The following COL25A1 variants were observed in gnomAD, a reference collection of about 807,000 sequenced individuals.
COL25A1 encodes collagen alpha-1(XXV) chain.
In COL25A1, 103 loss-of-function variants were observed where a neutral mutation model predicts 128.4. The observed-to-expected ratio is 0.80, with a 90% CI of 0.68 to 0.94. The LOEUF is 0.94. Among genes scored for constraint, COL25A1 ranks in the 40% least tolerant of loss-of-function variants. COL25A1 has a pLI of 0.00. For missense variants in COL25A1, 745 were observed against 840.0 expected (o/e 0.89, Z 1.40); for synonymous variants, 279 against 277.2 (o/e 1.01, Z -0.06).
In COL25A1 at chr4:109,144,268, G is replaced by A. The variant is rs549119189; in HGVS notation, c.368-94089C>T. Among the ~76,000 whole-genome samples the A allele has an allele frequency of 2.6e-5, 4 of 152,296 alleles. No homozygotes were observed. In the South Asian group the frequency reaches 8.3e-4, roughly 32 times the overall value. On this transcript the variant is annotated intron_variant, in intron 3 of 37. Coordinates refer to ENST00000399132, the MANE Select transcript of COL25A1 (RefSeq NM_198721.4). ...TTGCTGCCTGTTCCTTCTTCTGGAA[G>A]CTTCGTCCCAGAGGGGCACCTGCTA...
At chr4:109,223,616 C>A (rs1327312358) in intron 3 of COL25A1, among the ~76,000 whole-genome samples, 7 of 151,534 alleles carry the variant, frequency 4.6e-5, no homozygotes, top group Admixed American at 3.3e-4. Flanking sequence ...GGGAAATGAC[C>A]TTCATTTGGA....
chr4:108,905,555 TTAC>T (rs1743384484), intron 13 of COL25A1, among the ~76,000 whole-genome samples: 2 of 150,384 alleles, frequency 1.3e-5, no homozygotes, highest in East Asian at 1.9e-4. Context: ...AATAATAATA[TTAC>T]TTGTTTCTTT....
chr4:109,302,255 C>T lies in COL25A1; in HGVS notation c.-143G>A, dbSNP rs1264629806. 5.8e-6 allele frequency: 3 copies of T among 520,544 alleles called. No homozygotes were observed. The African/African-American group carries it at 5.8e-5, about 10-fold the overall frequency. The allele number at this position is 520,544 out of a possible 1,614,324, so 32.2% of individuals were successfully genotyped here. ...CCAGCTGGAAGTGAAAAGCACCCTC[C>T]GTCCGGGGACTGGGTGGCGGTGGGG... is the stretch of plus-strand genomic sequence containing the variant. On this transcript the variant is annotated 5_prime_UTR_variant, in exon 1 of 38. Transcript: ENST00000399132.
At chr4:109,024,743 A>G (rs983682119) in intron 5 of COL25A1, among the ~76,000 whole-genome samples, 2 of 150,960 alleles carry the variant, frequency 1.3e-5, no homozygotes, top group Non-Finnish European at 2.9e-5. Flanking sequence ...TCATTTACTC[A>G]AAGATCTAGG....
chr4:108,920,634 A>G (rs370267597), intron 11 of COL25A1, 30 bp from the exon 12 acceptor site: 11 of 1,581,112 alleles, frequency 7.0e-6, no homozygotes, highest in Non-Finnish European at 9.5e-6. Context: ...CAATTAACAT[A>G]CTATTGTAGC....
At chr4:109,241,141 G>C (rs1338526922) in intron 3 of COL25A1, among the ~76,000 whole-genome samples, 1 of 151,984 alleles carries the variant, frequency 6.6e-6, no homozygotes, top group Non-Finnish European at 1.5e-5. Context: ...GCCTTTTCTG[G>C]GATGTAAGAG....
At position 109,300,620 on chromosome 4, in the gene COL25A1, G is replaced by A. The variant is rs766857230; in HGVS notation, c.330C>T (p.Ile110=). 2 of 1,611,874 alleles carry A rather than the reference G, an allele frequency of 1.2e-6. No homozygotes were observed. The highest frequency in any genetic ancestry group is 8.5e-7 in the Non-Finnish European group (1 of 1,178,080). The change falls in exon 3 of 38, where the codon ATC becomes ATT. Residue 110 remains isoleucine, a synonymous_variant. Transcript: ENST00000399132. ...KSYEHMAKIR[I]AREAPSECNC... ...TACATTCTGAAGGTGCTTCTCTTGC[G>A]ATTCTTATTTTAGCCATATGTTCAT...
At chr4:108,843,625 T>C (rs1734721906) in intron 30 of COL25A1, among the ~76,000 whole-genome samples, 1 of 152,194 alleles carries the variant, frequency 6.6e-6, no homozygotes, top group Admixed American at 6.5e-5. Flanking sequence ...CAGTTAACAC[T>C]GGCCCTGGCT....
At chr4:109,026,100 G>GCA (rs56718544) in intron 5 of COL25A1, among the ~76,000 whole-genome samples, 17,718 of 136,908 alleles carry the variant, frequency 0.13, 1,453 homozygotes, top group African/African-American at 0.25. Context: ...AAAACACTTT[G>GCA]CACACACACA....
chr4:108,890,745 G>T (rs1389554627), intron 16 of COL25A1, among the ~76,000 whole-genome samples: 1 of 152,098 alleles, frequency 6.6e-6, no homozygotes, highest in Non-Finnish European at 1.5e-5. Context: ...AGGAGCTCCG[G>T]GGGCCCATTT....
At chr4:109,129,503 T>C (rs1328403054) in intron 3 of COL25A1, among the ~76,000 whole-genome samples, 1 of 152,180 alleles carries the variant, frequency 6.6e-6, no homozygotes, top group Non-Finnish European at 1.5e-5. Flanking sequence ...ATCTAACATA[T>C]ATTATAAAGT....
chr4:109,052,763 T>A (rs1216718919), intron 3 of COL25A1, among the ~76,000 whole-genome samples: 1 of 152,118 alleles, frequency 6.6e-6, no homozygotes, highest in Non-Finnish European at 1.5e-5. Flanking sequence ...ATGGATGAGA[T>A]GAATTTGGCA....
chr4:108,984,215 T>C (rs1435361111), intron 6 of COL25A1, among the ~76,000 whole-genome samples: 1 of 152,204 alleles, frequency 6.6e-6, no homozygotes, highest in Non-Finnish European at 1.5e-5. Flanking sequence ...CTGATTGGTG[T>C]GTTTACAAAC....
At chr4:108,961,768 T>C (rs185424043) in intron 8 of COL25A1, among the ~76,000 whole-genome samples, 27 of 152,292 alleles carry the variant, frequency 1.8e-4, no homozygotes, top group African/African-American at 5.5e-4. Flanking sequence ...TTCCTTTCAA[T>C]GATGACAAGG....
At chr4:109,196,372 C>T (rs565957542) in intron 3 of COL25A1, among the ~76,000 whole-genome samples, 1 of 151,968 alleles carries the variant, frequency 6.6e-6, no homozygotes, top group South Asian at 2.1e-4. Flanking sequence ...ATAAAAATAT[C>T]GTATGCATTA....
In COL25A1 at chr4:108,892,988, G is replaced by A. The variant is rs201232820; in HGVS notation, c.907-3255C>T. On this transcript the variant is annotated intron_variant, in intron 16 of 37. Transcript: ENST00000399132. ...GATGTGTGCTAATTAGGGAAGGCCCGGCACCAATTAGGGTGGGATAGGCCT... is the reference window on the plus strand; with the variant it reads ...GATGTGTGCTAATTAGGGAAGGCCCAGCACCAATTAGGGTGGGATAGGCCT... Among the ~76,000 whole-genome samples the A allele has an allele frequency of 5.9e-5, 9 of 152,282 alleles. No homozygotes were observed. In the East Asian group the frequency reaches 1.4e-3, roughly 23 times the overall value.
intron 27 of COL25A1, among the ~76,000 whole-genome samples, chr4:108,847,592 GA>G (rs553027639): frequency 1.3e-4 from 18 of 142,356 alleles, no homozygotes; most frequent in Middle Eastern, 3.7e-3. Context: ...GCCTACAGAA[GA>G]AAAAAAAAAG....
At chr4:109,154,692 T>C (rs1771864245) in intron 3 of COL25A1, among the ~76,000 whole-genome samples, 1 of 152,130 alleles carries the variant, frequency 6.6e-6, no homozygotes, top group Admixed American at 6.6e-5. Context: ...TCAATAAGCT[T>C]ATGCAAATAA....
intron 5 of COL25A1, among the ~76,000 whole-genome samples, chr4:109,019,396 ATATT>A (rs1158595480): frequency 4.2e-5 from 6 of 143,094 alleles, no homozygotes; most frequent in Non-Finnish European, 9.3e-5. Flanking sequence ...ATATATATAT[ATATT>A]TATATGTGTA....
Sources: gnomAD v4.1 joint callset for allele counts (sites outside exome capture counted in the v4.1 genomes callset) on GRCh38, gnomAD v4.1.1 for gene constraint, MANE v1.5 for transcripts, NCBI Gene and HGNC (gene_info 2026-07-23, HGNC 2026-07-21) for gene names.